MINAR1: variants seen among roughly 807,000 people sequenced by gnomAD.
MINAR1 encodes the protein major intrinsically disordered Notch2-binding receptor 1.
Under a neutral mutation model 65.1 loss-of-function variants are expected in MINAR1, and 40 were observed. The observed-to-expected ratio is 0.61, with a 90% confidence interval of 0.48 to 0.80. MINAR1 has a LOEUF of 0.80. MINAR1 is among the 30% of genes least tolerant of loss of function. MINAR1 has a pLI of 0.00. For missense variants in MINAR1, 1,128 were observed against 1,148.0 expected (o/e 0.98, Z 0.25); for synonymous variants, 482 against 449.1 (o/e 1.07, Z -0.93).
chr15:79,413,363 A>G, the MINAR1 span: 3 of 152,330 alleles, frequency 2.0e-5, no homozygotes, highest in South Asian at 6.2e-4. Flanking sequence ...CCACCCAATT[A>G]TTGGCTCATC....
At chr15:79,426,220 G>A in the MINAR1 span, 1 of 152,770 alleles carries the variant, frequency 6.5e-6, no homozygotes, top group Non-Finnish European at 1.5e-5. Context: ...CGTGCCACAG[G>A]AAGAGGCTGT....
At chr15:79,424,347 A>G in the MINAR1 span, 1 of 152,178 alleles carries the variant, frequency 6.6e-6, no homozygotes. Flanking sequence ...TTTCCTTTTC[A>G]GGCAATATTA....
chr15:79,413,116 T>C, the MINAR1 span: 1 of 152,096 alleles, frequency 6.6e-6, no homozygotes, highest in Admixed American at 6.5e-5. Flanking sequence ...TCTGCAAACA[T>C]GAGAAAGACC....
At chr15:79,459,146 TC>T (rs34250647) in intron 2 of MINAR1, among the ~76,000 whole-genome samples, 19,798 of 151,978 alleles carry the variant, frequency 0.13, 1,387 homozygotes, top group Non-Finnish European at 0.15. Context: ...TGCACTGCAC[TC>T]CAGCCTGGGT....
Position 79,471,988 on chromosome 15 carries a change from A to C in MINAR1, c.*3604A>C, listed in dbSNP as rs540074343. The C allele has an allele frequency of 2.0e-5, 3 of 152,608 alleles. No individual in the cohort carries two copies. Among genetic ancestry groups the C allele is most frequent in the Non-Finnish European group, 4.4e-5 (3 of 68,040 alleles). 9.5% of individuals were successfully genotyped at this position (152,608 alleles called of 1,614,324 possible). A position where few individuals can be genotyped will look rare whatever the true frequency, so the allele number is the denominator to read the frequency against. On this transcript the variant is annotated 3_prime_UTR_variant, in exon 4 of 4. Transcript: ENST00000305428. ...TTTATTAAGTAACAATGAGAAATGCAACAAACTTCCTTATTTATGCCTTAT... is the reference window on the plus strand; with the variant it reads ...TTTATTAAGTAACAATGAGAAATGCCACAAACTTCCTTATTTATGCCTTAT...
chr15:79,423,074 T>C, the MINAR1 span: 1 of 152,256 alleles, frequency 6.6e-6, no homozygotes, highest in African/African-American at 2.4e-5. Context: ...AAATGACCTA[T>C]ATATTCCCTT....
chr15:79,469,557 A>ATGTC lies in MINAR1; in HGVS notation c.*1175_*1178dup, dbSNP rs1255746789. On this transcript the variant is annotated 3_prime_UTR_variant, in exon 4 of 4. Coordinates refer to ENST00000305428, the MANE Select transcript of MINAR1 (RefSeq NM_015206.3). Reference sequence around the variant, plus strand: ...TCTATATGTCTATCTATCTATCTATATGTCTATCTATCTATCTAAATACTT... The same window carrying ATGTC: ...TCTATATGTCTATCTATCTATCTATATGTCTGTCTATCTATCTATCTAAATACTT... The ATGTC allele has an allele frequency of 6.6e-6, 1 of 152,394 alleles. No homozygotes were observed. Among genetic ancestry groups the ATGTC allele is most frequent in the Non-Finnish European group, 1.5e-5 (1 of 68,020 alleles). 9.4% of individuals were successfully genotyped at this position (152,394 alleles called of 1,614,324 possible). A position where few individuals can be genotyped will look rare whatever the true frequency, so the allele number is the denominator to read the frequency against.
At chr15:79,461,439 A>C (rs894021286) in intron 2 of MINAR1, among the ~76,000 whole-genome samples, 5 of 152,232 alleles carry the variant, frequency 3.3e-5, no homozygotes, top group Admixed American at 1.3e-4. Flanking sequence ...CTACCGTCGT[A>C]GTTATTATCA....
At chr15:79,418,766 G>A in the MINAR1 span, 1 of 152,346 alleles carries the variant, frequency 6.6e-6, no homozygotes, top group Admixed American at 6.5e-5. Flanking sequence ...AGTGGGTATA[G>A]ATGCTTGGAC....
At chr15:79,463,495 A>C (rs1387634745) in intron 3 of MINAR1, among the ~76,000 whole-genome samples, 174 bp downstream of exon 3, 1 of 152,212 alleles carries the variant, frequency 6.6e-6, no homozygotes, top group Non-Finnish European at 1.5e-5. Flanking sequence ...GAGACTTTTA[A>C]CAAGGGGATC....
At chr15:79,422,744 A>G in the MINAR1 span, 1 of 152,226 alleles carries the variant, frequency 6.6e-6, no homozygotes, top group Non-Finnish European at 1.5e-5. Flanking sequence ...CCACTTGTAT[A>G]TAACTAAAGC....
At chr15:79,414,233 C>T in the MINAR1 span, 1 of 152,254 alleles carries the variant, frequency 6.6e-6, no homozygotes, top group East Asian at 1.9e-4. Flanking sequence ...TATAACTTCT[C>T]TTTCAATTCA....
chr15:79,411,559 C>A, the MINAR1 span: 1 of 697,732 alleles, frequency 1.4e-6, no homozygotes, highest in South Asian at 1.5e-5. Flanking sequence ...ACAGAAGCTA[C>A]GCTGAAGTGG....
At chr15:79,450,077 T>A (rs148450702) in intron 1 of MINAR1, among the ~76,000 whole-genome samples, 2 of 152,228 alleles carry the variant, frequency 1.3e-5, no homozygotes, top group African/African-American at 2.4e-5. Flanking sequence ...GAACTGGCAT[T>A]CTTGCAGACA....
intron 1 of MINAR1, among the ~76,000 whole-genome samples, chr15:79,435,995 A>G (rs1245679011): frequency 6.6e-6 from 1 of 152,234 alleles, no homozygotes; most frequent in African/African-American, 2.4e-5. Context: ...CAGAAAGTAC[A>G]TGAACCTTTA....
At chr15:79,443,358 A>C (rs1356003655) in intron 1 of MINAR1, among the ~76,000 whole-genome samples, 1 of 152,188 alleles carries the variant, frequency 6.6e-6, no homozygotes, top group Admixed American at 6.5e-5. Context: ...CCTTACCTGC[A>C]GGAGTAGAGA....
In MINAR1 at chr15:79,463,284, C is replaced by A. The variant is rs199519106; in HGVS notation, c.2516C>A (p.Ala839Glu). The change falls in exon 3 of 4, where the codon GCG becomes GAG. Residue 839 changes from alanine to glutamate, a missense_variant. Transcript: ENST00000305428. ...ACCATTGAGGAGTATGCACGGAATG[C>A]GGGCGACAAGGGCAAGCTGACAGCC... ...SWTIEEYARNAGDKGKLTALD... is the reference protein window; with the variant it reads ...SWTIEEYARNEGDKGKLTALD... The A allele has an allele frequency of 1.4e-5, 23 of 1,613,970 alleles. No homozygotes were observed. The highest frequency in any genetic ancestry group is 1.9e-5 in the Non-Finnish European group (23 of 1,179,996).
At chr15:79,426,338 C>G in the MINAR1 span, 1 of 152,244 alleles carries the variant, frequency 6.6e-6, no homozygotes. Flanking sequence ...TTCACATCGT[C>G]CCTGGCTTCA....
At chr15:79,423,911 A>G in the MINAR1 span, 1 of 152,214 alleles carries the variant, frequency 6.6e-6, no homozygotes, top group African/African-American at 2.4e-5. Flanking sequence ...GCTTCTGTTG[A>G]CATCTCTGCA....
Sources: allele counts gnomAD v4.1 joint callset (sites outside exome capture counted in the v4.1 genomes callset), GRCh38; gene constraint gnomAD v4.1.1; transcripts MANE v1.5; gene names NCBI Gene and HGNC (gene_info 2026-07-23, HGNC 2026-07-21).